The following WDFY1 variants were observed in gnomAD, a reference collection of about 807,000 sequenced individuals.
WDFY1 encodes WD repeat and FYVE domain-containing protein 1.
WDFY1 carries 32 observed loss-of-function variants against 56.4 expected under a neutral mutation model. That is an observed-to-expected ratio of 0.57 (90% CI 0.43 to 0.76). WDFY1 has a LOEUF of 0.76. WDFY1 is among the 30% of genes least tolerant of loss of function. WDFY1 has a pLI of 0.00. For synonymous variants in WDFY1, 192 were observed against 197.3 expected, an observed-to-expected ratio of 0.97 and a Z score of 0.23; for missense variants, 480 against 545.7, an observed-to-expected ratio of 0.88 and a Z score of 1.20.
intron 1 of WDFY1, among the ~76,000 whole-genome samples, chr2:223,927,480 A>T (rs1694003197): frequency 6.6e-6 from 1 of 152,142 alleles, no homozygotes; most frequent in South Asian, 2.1e-4. Flanking sequence ...CTAGCTTCAA[A>T]CTTTTCTTCT....
chr2:223,944,802 C>T (rs958807880), intron 1 of WDFY1, among the ~76,000 whole-genome samples: 1 of 141,344 alleles, frequency 7.1e-6, no homozygotes. Flanking sequence ...GTAGGGCGCA[C>T]TGGAACAGGG....
At chr2:223,919,732 GCTTACAC>G (rs1693857942) in intron 1 of WDFY1, among the ~76,000 whole-genome samples, 1 of 152,196 alleles carries the variant, frequency 6.6e-6, no homozygotes, top group South Asian at 2.1e-4. Flanking sequence ...CTGAATAAAT[GCTTACAC>G]CCTTAACCTA....
intron 4 of WDFY1, 68 bp downstream of exon 4, chr2:223,905,879 G>C: frequency 1.8e-6 from 2 of 1,108,612 alleles, no homozygotes; most frequent in Middle Eastern, 4.2e-4. Context: ...TTCATCATAA[G>C]AGATGATGTT....
At chr2:223,890,917 G>A (rs1008619556) in intron 8 of WDFY1, among the ~76,000 whole-genome samples, 1 of 152,174 alleles carries the variant, frequency 6.6e-6, no homozygotes, top group Non-Finnish European at 1.5e-5. Context: ...ATCTGGCAGG[G>A]AAGCAAATCT....
At chr2:223,912,367 C>A in intron 2 of WDFY1, 41 bp from the exon 3 acceptor site, 1 of 1,525,880 alleles carries the variant, frequency 6.6e-7, no homozygotes, top group Non-Finnish European at 8.8e-7. Flanking sequence ...CAAAGCTAAG[C>A]ACTTTAAGTT....
chr2:223,916,710 A>G (rs1693793548), intron 2 of WDFY1, among the ~76,000 whole-genome samples: 1 of 152,130 alleles, frequency 6.6e-6, no homozygotes, highest in Admixed American at 6.5e-5. Flanking sequence ...TCTTTTCAGG[A>G]AAGGTTGAAG....
intron 11 of WDFY1, among the ~76,000 whole-genome samples, chr2:223,878,975 G>A (rs1693019146): frequency 6.6e-6 from 1 of 152,230 alleles, no homozygotes; most frequent in African/African-American, 2.4e-5. Context: ...CTTGAGCCCA[G>A]GAGTTCAAGA....
At chr2:223,882,659 A>G (rs1369642818) in intron 9 of WDFY1, among the ~76,000 whole-genome samples, 2 of 152,212 alleles carry the variant, frequency 1.3e-5, no homozygotes, top group Admixed American at 1.3e-4. Flanking sequence ...TAGTTCATTT[A>G]GGAGCCTAAT....
In WDFY1 at chr2:223,932,182, G is replaced by A. The variant is rs187722887; in HGVS notation, c.137+12966C>T. The stretch of plus-strand genomic sequence containing the variant: ...CTGTCACCCAGGCTGGAGTGCAGTG[G>A]TGCAATCTCGGCTCACTGCAAGCTC... On this transcript the variant is annotated intron_variant, in intron 1 of 11. Coordinates refer to ENST00000233055, the MANE Select transcript of WDFY1 (RefSeq NM_020830.5). Among the ~76,000 whole-genome samples, 17 of 146,654 alleles carry A rather than the reference G, an allele frequency of 1.2e-4. No individual in the cohort carries two copies. In the East Asian group the frequency reaches 3.4e-3, roughly 29 times the overall value.
intron 8 of WDFY1, among the ~76,000 whole-genome samples, chr2:223,893,982 G>C (rs1693319786): frequency 6.6e-6 from 1 of 152,210 alleles, no homozygotes; most frequent in Non-Finnish European, 1.5e-5. Flanking sequence ...TCAGTGTATT[G>C]CTCAAGGCTG....
intron 1 of WDFY1, among the ~76,000 whole-genome samples, chr2:223,939,933 A>C (rs536772138): frequency 1.1e-4 from 17 of 152,234 alleles, no homozygotes; most frequent in Non-Finnish European, 2.2e-4. Flanking sequence ...TAACTTCAGG[A>C]AAACCTTCAT....
At chr2:223,945,072 CG>C in intron 1 of WDFY1, 75 bp downstream of exon 1, 2 of 1,464,822 alleles carry the variant, frequency 1.4e-6, no homozygotes, top group East Asian at 2.8e-5. Context: ...CAGGAAGGAC[CG>C]GGGCCGCGGA....
intron 4 of WDFY1, among the ~76,000 whole-genome samples, chr2:223,905,575 G>T (rs143843441): frequency 1.1e-4 from 16 of 152,006 alleles, no homozygotes; most frequent in South Asian, 4.1e-4. Context: ...ACACACACAC[G>T]TGTATATACT....
At chr2:223,930,191 T>A (rs142672400) in intron 1 of WDFY1, among the ~76,000 whole-genome samples, 95 of 152,282 alleles carry the variant, frequency 6.2e-4, no homozygotes, top group African/African-American at 2.1e-3. Context: ...AGCTACAGCG[T>A]GCGATATTGT....
intron 6 of WDFY1, among the ~76,000 whole-genome samples, chr2:223,896,048 C>G (rs1414056074): frequency 6.8e-6 from 1 of 148,088 alleles, no homozygotes; most frequent in Admixed American, 6.9e-5. Flanking sequence ...CCCAGCTACT[C>G]GGGAGGCTAA....
chr2:223,884,575 A>G, intron 9 of WDFY1, 73 bp downstream of exon 9: 1 of 1,442,656 alleles, frequency 6.9e-7, no homozygotes, highest in Non-Finnish European at 9.7e-7. Flanking sequence ...GTGTTTCAAA[A>G]AAACCCCAGA....
At chr2:223,917,588 T>C (rs952493918) in intron 2 of WDFY1, among the ~76,000 whole-genome samples, 1 of 152,148 alleles carries the variant, frequency 6.6e-6, no homozygotes, top group African/African-American at 2.4e-5. Context: ...CTTATTTTTT[T>C]TTTGAGATGG....
At chr2:223,903,158 T>C (rs1693532459) in intron 4 of WDFY1, among the ~76,000 whole-genome samples, 1 of 152,200 alleles carries the variant, frequency 6.6e-6, no homozygotes, top group South Asian at 2.1e-4. Context: ...AAAATGTTAT[T>C]AGTCAATGAA....
At chr2:223,936,091 T>TTGC (rs1694165358) in intron 1 of WDFY1, among the ~76,000 whole-genome samples, 1 of 147,146 alleles carries the variant, frequency 6.8e-6, no homozygotes, top group Non-Finnish European at 1.5e-5. Context: ...GGACAGAGTC[T>TTGC]TGCTTTATTG....
Sources: allele counts gnomAD v4.1 joint callset (sites outside exome capture counted in the v4.1 genomes callset), GRCh38; gene constraint gnomAD v4.1.1; transcripts MANE v1.5; gene names NCBI Gene and HGNC (gene_info 2026-07-23, HGNC 2026-07-21).